TUSC3: variants seen among roughly 807,000 people sequenced by gnomAD.
The protein encoded by TUSC3 is dolichyl-diphosphooligosaccharide--protein glycosyltransferase subunit TUSC3.
Under a neutral mutation model 44.8 loss-of-function variants are expected in TUSC3, and 45 were observed. That is an observed-to-expected ratio of 1.00 (90% CI 0.79 to 1.29). The LOEUF (loss-of-function observed/expected upper bound fraction) is 1.29, where lower values mean the gene tolerates loss of function less well. TUSC3 is among the 50% of genes most tolerant of loss of function. TUSC3 has a pLI of 0.00. For synonymous variants in TUSC3, 212 were observed against 152.9 expected (o/e 1.39, Z -2.85); for missense variants, 519 against 437.9 (o/e 1.19, Z -1.65).
intron 6 of TUSC3, among the ~76,000 whole-genome samples, chr8:15,725,556 A>G (rs1237617063): frequency 6.6e-6 from 1 of 152,172 alleles, no homozygotes; most frequent in Non-Finnish European, 1.5e-5. Flanking sequence ...TGTGAGTCAT[A>G]TGACCTAAGA....
chr8:15,599,357 A>T (rs968335655), intron 1 of TUSC3, among the ~76,000 whole-genome samples: 1 of 151,478 alleles, frequency 6.6e-6, no homozygotes, highest in Admixed American at 6.6e-5. Flanking sequence ...TTTGGCAAAT[A>T]TTTTCTCCCA....
upstream of TUSC3, among the ~76,000 whole-genome samples, chr8:15,538,899 G>C (rs1030061100): frequency 6.6e-6 from 1 of 151,724 alleles, no homozygotes; most frequent in Non-Finnish European, 1.5e-5. Context: ...TCCCAGGCTG[G>C]AGTGCTGTAG....
At chr8:15,851,480 A>G in the TUSC3 span, among the ~76,000 whole-genome samples, 1 of 152,258 alleles carries the variant, frequency 6.6e-6, no homozygotes, top group African/African-American at 2.4e-5. Flanking sequence ...CCTCACACAT[A>G]TAGAGAAAAC....
intron 1 of TUSC3, among the ~76,000 whole-genome samples, chr8:15,474,521 G>T (rs532139769): frequency 6.6e-5 from 10 of 152,224 alleles, no homozygotes; most frequent in Non-Finnish European, 1.5e-4. Context: ...CAATAAAGTA[G>T]ATTGCTGACA....
chr8:15,452,205 T>A (rs780980875), intron 1 of TUSC3, among the ~76,000 whole-genome samples: 11 of 152,200 alleles, frequency 7.2e-5, no homozygotes, highest in Non-Finnish European at 1.5e-4. Flanking sequence ...CACATTTAAT[T>A]TCTACAAACA....
intron 9 of TUSC3, among the ~76,000 whole-genome samples, chr8:15,752,260 T>C (rs1451713337): frequency 6.6e-6 from 1 of 152,064 alleles, no homozygotes; most frequent in Non-Finnish European, 1.5e-5. Flanking sequence ...AAGTCATAAT[T>C]TGTGTACAAA....
intron 1 of TUSC3, among the ~76,000 whole-genome samples, chr8:15,481,291 A>G (rs1166766715): frequency 6.6e-6 from 1 of 150,988 alleles, no homozygotes. Flanking sequence ...AGAGGTGATT[A>G]GGCCATGAAG....
intron 1 of TUSC3, among the ~76,000 whole-genome samples, chr8:15,567,575 C>G (rs1046839461): frequency 6.6e-6 from 1 of 152,120 alleles, no homozygotes; most frequent in African/African-American, 2.4e-5. Flanking sequence ...GAGTAGCTCT[C>G]TTGTATCGCT....
intron 2 of TUSC3, among the ~76,000 whole-genome samples, chr8:15,647,476 G>A (rs1806685472): frequency 6.6e-6 from 1 of 152,036 alleles, no homozygotes; most frequent in Non-Finnish European, 1.5e-5. Flanking sequence ...TGATTTTAAT[G>A]ATTACTTAGA....
At chr8:15,746,913 C>CA (rs1201642639) in intron 8 of TUSC3, among the ~76,000 whole-genome samples, 1 of 151,924 alleles carries the variant, frequency 6.6e-6, no homozygotes, top group East Asian at 1.9e-4. Flanking sequence ...CTATAATTTT[C>CA]AAAAATGTTT....
chr8:15,597,857 A>G (rs908179356), intron 1 of TUSC3, among the ~76,000 whole-genome samples: 34 of 152,046 alleles, frequency 2.2e-4, no homozygotes, highest in African/African-American at 8.2e-4. Context: ...TTGGAATTCT[A>G]AGTTGGTAAT....
chr8:15,437,556 A>C (rs960914269), intron 1 of TUSC3, among the ~76,000 whole-genome samples: 1 of 152,252 alleles, frequency 6.6e-6, no homozygotes, highest in Non-Finnish European at 1.5e-5. Flanking sequence ...GAACTTCAAA[A>C]GCATTAAGAA....
At chr8:15,561,289 G>A (rs1464692791) in intron 1 of TUSC3, among the ~76,000 whole-genome samples, 4 of 148,142 alleles carry the variant, frequency 2.7e-5, no homozygotes, top group Admixed American at 6.8e-5. Context: ...TGCCCCTGCT[G>A]GGGGGTGCCT....
intron 1 of TUSC3, among the ~76,000 whole-genome samples, chr8:15,437,716 C>T (rs1435596355): frequency 6.6e-6 from 1 of 152,200 alleles, no homozygotes; most frequent in African/African-American, 2.4e-5. Flanking sequence ...CTTCCAGCTG[C>T]ACCCTTTGGA....
chr8:15,851,903 T>C, the TUSC3 span, among the ~76,000 whole-genome samples: 1 of 152,144 alleles, frequency 6.6e-6, no homozygotes, highest in Middle Eastern at 3.2e-3. Context: ...CCCCATACTG[T>C]TCTCGTGGTA....
At position 15,659,452 on chromosome 8, in the gene TUSC3, T is replaced by C. The variant is rs1282153336; in HGVS notation, c.427-55T>C. On this transcript the variant is annotated intron_variant, in intron 3 of 10. Coordinates refer to ENST00000503731, the MANE Select transcript of TUSC3 (RefSeq NM_006765.4). ...ATTTCTACAGAAAAAGTGTAAAATATTGGATTAATGATAAGATGATCCTAT... is the reference window on the plus strand; with the variant it reads ...ATTTCTACAGAAAAAGTGTAAAATACTGGATTAATGATAAGATGATCCTAT... 1.0e-5 allele frequency: 16 copies of C among 1,587,742 alleles called. No individual in the cohort carries two copies. In the South Asian group the frequency reaches 1.1e-4, roughly 11 times the overall value.
At chr8:15,773,755 A>G in the TUSC3 span, among the ~76,000 whole-genome samples, 1 of 152,196 alleles carries the variant, frequency 6.6e-6, no homozygotes, top group African/African-American at 2.4e-5. Flanking sequence ...ATATAGATTA[A>G]TAGAATGGAA....
intron 2 of TUSC3, among the ~76,000 whole-genome samples, chr8:15,634,835 G>A (rs888945300): frequency 1.3e-5 from 2 of 152,162 alleles, no homozygotes; most frequent in African/African-American, 2.4e-5. Context: ...CAGATTATCA[G>A]ATGTTCGTCT....
chr8:15,570,310 T>G (rs1802828305), intron 1 of TUSC3, among the ~76,000 whole-genome samples: 1 of 139,150 alleles, frequency 7.2e-6, no homozygotes. Flanking sequence ...ACACTCTTAC[T>G]GAAACACATC....
Sources: allele counts gnomAD v4.1 joint callset (sites outside exome capture counted in the v4.1 genomes callset), GRCh38; gene constraint gnomAD v4.1.1; transcripts MANE v1.5; gene names NCBI Gene and HGNC (gene_info 2026-07-23, HGNC 2026-07-21).